The following SORCS3 variants were observed in gnomAD, a reference collection of about 807,000 sequenced individuals.
SORCS3 encodes VPS10 domain-containing receptor SorCS3.
In SORCS3, 57 loss-of-function variants were observed where a neutral mutation model predicts 146.3. That is an observed-to-expected ratio of 0.39 (90% CI 0.31 to 0.49). SORCS3 has a LOEUF of 0.49. Among genes scored for constraint, SORCS3 ranks in the 20% least tolerant of loss-of-function variants. SORCS3 has a pLI of 0.92. For synonymous variants in SORCS3, 653 were observed against 618.5 expected (o/e 1.06, Z -0.83); for missense variants, 1,341 against 1,575.5 (o/e 0.85, Z 2.52).
chr10:104,698,029 A>G (rs569377628), intron 1 of SORCS3, among the ~76,000 whole-genome samples: 5 of 152,256 alleles, frequency 3.3e-5, no homozygotes, highest in African/African-American at 7.2e-5. Flanking sequence ...TTTTTGTACT[A>G]TATTACCAAA....
intron 4 of SORCS3, among the ~76,000 whole-genome samples, chr10:105,032,311 C>G (rs193044161): frequency 3.3e-5 from 5 of 152,158 alleles, no homozygotes; most frequent in African/African-American, 7.2e-5. Flanking sequence ...TCCTAAAACC[C>G]TTGGAACTTC....
At chr10:105,221,723 G>T (rs1020694594) in intron 19 of SORCS3, among the ~76,000 whole-genome samples, 1 of 152,148 alleles carries the variant, frequency 6.6e-6, no homozygotes, top group Non-Finnish European at 1.5e-5. Context: ...AAGAATTCAA[G>T]GCCCCCAGGC....
intron 1 of SORCS3, among the ~76,000 whole-genome samples, chr10:104,838,190 C>A (rs2133542972): frequency 6.6e-6 from 1 of 152,208 alleles, no homozygotes; most frequent in Admixed American, 6.5e-5. Context: ...GGAGGGGATT[C>A]AAGTCAGGTT....
chr10:104,909,411 C>A (rs2018943040), intron 2 of SORCS3, among the ~76,000 whole-genome samples: 1 of 152,132 alleles, frequency 6.6e-6, no homozygotes, highest in South Asian at 2.1e-4. Flanking sequence ...GGAACAACCA[C>A]AACTGTGGTT....
chr10:105,195,256 T>C (rs1394883363), intron 14 of SORCS3, among the ~76,000 whole-genome samples: 1 of 152,164 alleles, frequency 6.6e-6, no homozygotes, highest in East Asian at 1.9e-4. Context: ...AAGAGGAGTA[T>C]TTCTGGCAGA....
At chr10:104,831,750 T>C (rs1179060108) in intron 1 of SORCS3, among the ~76,000 whole-genome samples, 1 of 152,138 alleles carries the variant, frequency 6.6e-6, no homozygotes, top group Non-Finnish European at 1.5e-5. Flanking sequence ...AAAAGACCAG[T>C]GTAGGTTCAA....
At chr10:104,773,980 A>G (rs936660198) in intron 1 of SORCS3, among the ~76,000 whole-genome samples, 28 of 152,310 alleles carry the variant, frequency 1.8e-4, no homozygotes, top group South Asian at 8.3e-4. Context: ...TGCATTTAGC[A>G]CCATTCCAGG....
At chr10:105,213,460 T>C (rs1035750055) in intron 17 of SORCS3, among the ~76,000 whole-genome samples, 1 of 152,322 alleles carries the variant, frequency 6.6e-6, no homozygotes, top group Middle Eastern at 3.4e-3. Flanking sequence ...GTAATGGTGA[T>C]GATGATGGTG....
At position 104,827,136 on chromosome 10, in the gene SORCS3, T is replaced by C. The variant is rs182046974; in HGVS notation, c.628-15656T>C. Reference sequence around the variant, plus strand: ...TCTATGAGAGTTGAAATCAATCTATTCCAGACTCCTATTCATGTTGATATT... The same window carrying C: ...TCTATGAGAGTTGAAATCAATCTATCCCAGACTCCTATTCATGTTGATATT... On this transcript the variant is annotated intron_variant, in intron 1 of 26. Coordinates refer to ENST00000369701, the MANE Select transcript of SORCS3 (RefSeq NM_014978.3). Among the ~76,000 whole-genome samples the C allele has an allele frequency of 2.3e-3, 346 of 152,320 alleles. 1 individual carries two copies. The highest frequency in any genetic ancestry group is 7.8e-3 in the African/African-American group (323 of 41,574).
intron 3 of SORCS3, among the ~76,000 whole-genome samples, chr10:104,963,788 A>C (rs182811247): frequency 2.0e-5 from 3 of 152,162 alleles, no homozygotes; most frequent in Admixed American, 6.6e-5. Context: ...CATAAGTGTT[A>C]ATTCCACTTT....
intron 20 of SORCS3, among the ~76,000 whole-genome samples, chr10:105,225,696 G>C (rs1191936598): frequency 6.6e-6 from 1 of 151,920 alleles, no homozygotes; most frequent in African/African-American, 2.4e-5. Context: ...ACAATATTAA[G>C]TATTCCTATC....
intron 2 of SORCS3, among the ~76,000 whole-genome samples, chr10:104,847,777 CT>C (rs1268949524): frequency 6.6e-6 from 1 of 152,120 alleles, no homozygotes; most frequent in African/African-American, 2.4e-5. Flanking sequence ...CACCCTTAGC[CT>C]TGCTTTATTG....
chr10:104,685,602 C>T (rs1202407818), intron 1 of SORCS3, among the ~76,000 whole-genome samples: 2 of 152,146 alleles, frequency 1.3e-5, no homozygotes, highest in Non-Finnish European at 2.9e-5. Context: ...TATTGAATTG[C>T]ATTAGTTTTC....
At position 104,703,939 on chromosome 10, in the gene SORCS3, G is replaced by A. The variant is rs866679382; in HGVS notation, c.627+61985G>A. On this transcript the variant is annotated intron_variant, in intron 1 of 26. Coordinates refer to ENST00000369701, the MANE Select transcript of SORCS3 (RefSeq NM_014978.3). ...CAACCAGCTGGAAAAAAATAGCAGC[G>A]ACTGTGATTACTAGGAAATTTCTTG... 2.8e-4 allele frequency among the ~76,000 whole-genome samples: 43 copies of A among 152,214 alleles called. No homozygotes were observed. In the Middle Eastern group the frequency reaches 0.01, roughly 36 times the overall value.
At chr10:105,167,508 C>G (rs1264526531) in intron 13 of SORCS3, among the ~76,000 whole-genome samples, 159 bp downstream of exon 13, 10 of 152,078 alleles carry the variant, frequency 6.6e-5, no homozygotes, top group African/African-American at 2.2e-4. Flanking sequence ...TCATCTAACT[C>G]ATAAGCAGCA....
chr10:105,243,066 T>G (rs1395691637), intron 20 of SORCS3, among the ~76,000 whole-genome samples: 6 of 138,172 alleles, frequency 4.3e-5, no homozygotes, highest in African/African-American at 1.6e-4. Flanking sequence ...TATATTTATA[T>G]ATATTTATAT....
chr10:105,181,045 A>T (rs7904140), intron 14 of SORCS3, among the ~76,000 whole-genome samples: 37,841 of 152,080 alleles, frequency 0.25, 4,802 homozygotes, highest in East Asian at 0.32. Flanking sequence ...ACGTGCACAG[A>T]CATCCCTGCA....
At chr10:105,125,886 A>G (rs2055970595) in intron 7 of SORCS3, among the ~76,000 whole-genome samples, 1 of 152,196 alleles carries the variant, frequency 6.6e-6, no homozygotes, top group South Asian at 2.1e-4. Context: ...TTCAAGGTCC[A>G]GAAGCACTTA....
intron 23 of SORCS3, among the ~76,000 whole-genome samples, chr10:105,255,155 C>T (rs1438097055): frequency 1.4e-5 from 2 of 142,334 alleles, no homozygotes; most frequent in Non-Finnish European, 3.0e-5. Context: ...CGCCACTGCA[C>T]TCCAACCTGG....
Sources: allele counts gnomAD v4.1 joint callset (sites outside exome capture counted in the v4.1 genomes callset), GRCh38; gene constraint gnomAD v4.1.1; transcripts MANE v1.5; gene names NCBI Gene and HGNC (gene_info 2026-07-23, HGNC 2026-07-21).